HERC1: variants seen among roughly 807,000 people sequenced by gnomAD.
HERC1 encodes the protein HECT and RLD domain containing E3 ubiquitin protein ligase family member 1, also known as probable E3 ubiquitin-protein ligase HERC1.
HERC1 carries 160 observed loss-of-function variants against 554.3 expected under a neutral mutation model. That is an observed-to-expected ratio of 0.29 (90% CI 0.25 to 0.33). The LOEUF is 0.33. HERC1 is among the 10% of genes least tolerant of loss of function. The pLI is 1.00. For synonymous variants in HERC1, 2,175 were observed against 2,131.7 expected (o/e 1.02, Z -0.56); for missense variants, 4,919 against 5,918.5 (o/e 0.83, Z 5.54).
At chr15:63,652,383 T>A in intron 52 of HERC1, 31 bp downstream of exon 52, 3 of 1,574,950 alleles carry the variant, frequency 1.9e-6, no homozygotes, top group Non-Finnish European at 2.6e-6. Flanking sequence ...TCTCTTATTT[T>A]AAATGGTATA....
chr15:63,739,105 T>C (rs1390538861), intron 12 of HERC1, among the ~76,000 whole-genome samples: 1 of 151,704 alleles, frequency 6.6e-6, no homozygotes, highest in Admixed American at 6.6e-5. Flanking sequence ...CAATTTAGAA[T>C]ATCTTCATTA....
At chr15:63,654,053 G>C in intron 51 of HERC1, 66 bp downstream of exon 51, 1 of 1,286,886 alleles carries the variant, frequency 7.8e-7, no homozygotes, top group Non-Finnish European at 1.1e-6. Flanking sequence ...TGAGCTCCTT[G>C]AGAAGAGAAG....
Position 63,636,273 on chromosome 15 carries a change from G to GT in HERC1, c.12233-132dup, listed in dbSNP as rs377344540. The GT allele has an allele frequency of 0.22, 112,589 of 518,036 alleles. 1,322 individuals are homozygous for GT. Among genetic ancestry groups the GT allele is most frequent in the Non-Finnish European group, 0.24 (74,819 of 314,516 alleles). The allele number at this position is 518,036 out of a possible 1,614,324, so 32.1% of individuals were successfully genotyped here. On this transcript the variant is annotated intron_variant, in intron 64 of 77. Transcript: ENST00000443617. ...TATGAAAATAAGAATAATTTCATTA[G>GT]TTTTTTTTTTTTTTTTAGATGGAGT...
intron 54 of HERC1, among the ~76,000 whole-genome samples, chr15:63,648,500 T>A (rs566439563): frequency 6.6e-6 from 1 of 152,242 alleles, no homozygotes; most frequent in Non-Finnish European, 1.5e-5. Flanking sequence ...TAAGTCACCA[T>A]AGGTTCTTTC....
chr15:63,712,854 C>T lies in HERC1; in HGVS notation c.4505G>A (p.Ser1502Asn), dbSNP rs768355016. 4 of 1,613,476 alleles carry T rather than the reference C, an allele frequency of 2.5e-6. No homozygotes were observed. Among genetic ancestry groups the T allele is most frequent in the Admixed American group, 3.3e-5 (2 of 59,974 alleles). Reference sequence around the variant, plus strand: ...CGATTTGATCAGTCTATAATTTGGGCTTGTGTGGACTAGCCGGCTCTCTGC... The same window carrying T: ...CGATTTGATCAGTCTATAATTTGGGTTTGTGTGGACTAGCCGGCTCTCTGC... ...LTAESRLVHT[S>N]PNYRLIKSRS... Residue 1502 changes from serine to asparagine, a missense_variant, in exon 24 of 78, where the codon AGC (serine) becomes AAC (asparagine). By Grantham distance (46) the Ser-to-Asn change is conservative. This residue lies in a region of HERC1 where 1,121 missense variants were observed against 1,244.0 expected (regional missense o/e 0.90). Transcript: ENST00000443617.
At position 63,663,084 on chromosome 15, in the gene HERC1, A is replaced by G. The variant is rs1260282766; in HGVS notation, c.8801T>C (p.Leu2934Pro). 4 of 1,614,030 alleles carry G rather than the reference A, an allele frequency of 2.5e-6. No homozygotes were observed. Among genetic ancestry groups the G allele is most frequent in the Admixed American group, 1.7e-5 (1 of 60,026 alleles). ...FNLDEELEID[L>P]DDEAMEAMFG... ...CATAGCTTCCATCGCCTCATCATCA[A>G]GATCAATTTCCAATTCCTCATCTAA... The change falls in exon 44 of 78, where the codon CTT becomes CCT. Residue 2934 changes from leucine (L) to proline (P), a missense_variant. By Grantham distance (98) the Leu-to-Pro change is moderately conservative (BLOSUM62 -3). Around this residue, in one of 11 missense-constraint regions of HERC1, gnomAD observed 1,963 missense variants for 2,228.6 expected, o/e 0.88. Transcript: ENST00000443617.
chr15:63,792,289 C>A (rs2076676044), intron 1 of HERC1, among the ~76,000 whole-genome samples: 1 of 152,172 alleles, frequency 6.6e-6, no homozygotes, highest in African/African-American at 2.4e-5. Flanking sequence ...ATAAAATAAT[C>A]TCCGAAGTCC....
At chr15:63,702,828 G>A (rs919423727) in intron 25 of HERC1, among the ~76,000 whole-genome samples, 10 of 152,232 alleles carry the variant, frequency 6.6e-5, no homozygotes, top group Admixed American at 1.3e-4. Flanking sequence ...TTAGCTGGCC[G>A]GGCATGGTGG....
chr15:63,762,632 T>A (rs939793090), intron 3 of HERC1, among the ~76,000 whole-genome samples: 2 of 152,094 alleles, frequency 1.3e-5, no homozygotes, highest in Non-Finnish European at 2.9e-5. Flanking sequence ...GCCCATGATA[T>A]TTTTTAAATG....
At chr15:63,773,651 C>A (rs1567111630) in intron 2 of HERC1, among the ~76,000 whole-genome samples, 1 of 151,480 alleles carries the variant, frequency 6.6e-6, no homozygotes, top group Non-Finnish European at 1.5e-5. Flanking sequence ...TCAAGCAATT[C>A]TCCTGCCTCA....
Position 63,727,619 on chromosome 15 carries a change from T to C in HERC1, c.3346+28A>G. 2 of 1,547,450 alleles carry C rather than the reference T, an allele frequency of 1.3e-6. No individual in the cohort carries two copies. The highest frequency in any genetic ancestry group is 1.8e-6 in the Non-Finnish European group (2 of 1,133,762). Reference sequence around the variant, plus strand: ...GAGGAACAACTTTTCTCAAAGGCATTATTTGCTCTTTTATTGTCTTTACTT... The same window carrying C: ...GAGGAACAACTTTTCTCAAAGGCATCATTTGCTCTTTTATTGTCTTTACTT... On this transcript the variant is annotated intron_variant, in intron 17 of 77. Transcript: ENST00000443617. This position sits in a 1 kb window ranked among gnomAD's most constrained non-coding sequence, Gnocchi z 4.3.
chr15:63,725,421 G>A lies in HERC1; in HGVS notation c.3439C>T (p.Leu1147Phe), dbSNP rs373605815. The change falls in exon 18 of 78, where the codon CTC (leucine) becomes TTC (phenylalanine). Residue 1147 changes from leucine to phenylalanine, a missense_variant. Physicochemically the swap from Leu to Phe is conservative, Grantham distance 22. Coordinates refer to ENST00000443617, the MANE Select transcript of HERC1 (RefSeq NM_003922.4). ...CCACCAAGACACCGCCCAATAAGGAGAGCAATTGTTCTTTCTAGATCCACA... is the reference window on the plus strand; with the variant it reads ...CCACCAAGACACCGCCCAATAAGGAAAGCAATTGTTCTTTCTAGATCCACA... ...WLVDLERTIA[L>F]LIGRCLGGML... The A allele has an allele frequency of 5.6e-6, 9 of 1,613,800 alleles. No individual in the cohort carries two copies. Among genetic ancestry groups the A allele is most frequent in the Non-Finnish European group, 6.8e-6 (8 of 1,179,874 alleles).
Position 63,694,667 on chromosome 15 carries a change from T to A in HERC1, c.5242+107A>T. On this transcript the variant is annotated intron_variant, in intron 28 of 77. Transcript: ENST00000443617. This position sits in a 1 kb window ranked among gnomAD's most constrained non-coding sequence, Gnocchi z 4.3. ...CACTAAATTATTTATTCTTTACCTA[T>A]AAGTTTATCTACTAATGTTAAACAC... 1 of 1,485,172 alleles carries A rather than the reference T, an allele frequency of 6.7e-7. No individual in the cohort carries two copies. Among genetic ancestry groups the A allele is most frequent in the Non-Finnish European group, 9.4e-7 (1 of 1,067,074 alleles). 92.0% of individuals were successfully genotyped at this position (1,485,172 alleles called of 1,614,324 possible).
At chr15:63,707,495 A>G (rs1265400494) in intron 24 of HERC1, among the ~76,000 whole-genome samples, 1 of 152,214 alleles carries the variant, frequency 6.6e-6, no homozygotes, top group East Asian at 1.9e-4. Flanking sequence ...ACAACTGCCT[A>G]CTTGGCCTAT....
At chr15:63,829,537 ATATGTATGTGTG>A (rs1303056883) in intron 1 of HERC1, among the ~76,000 whole-genome samples, 2 of 72,738 alleles carry the variant, frequency 2.7e-5, no homozygotes, top group African/African-American at 9.6e-5. Flanking sequence ...GTGTGCACAT[ATATGTATGTGTG>A]TGTGTGTGTG....
intron 1 of HERC1, among the ~76,000 whole-genome samples, chr15:63,778,874 TATG>T (rs1319754644): frequency 7.9e-5 from 12 of 151,494 alleles, no homozygotes; most frequent in Non-Finnish European, 1.3e-4. Context: ...AACTGAAACA[TATG>T]ATGATATGAA....
At chr15:63,649,366 C>G (rs775999938) in intron 54 of HERC1, among the ~76,000 whole-genome samples, 28 of 151,094 alleles carry the variant, frequency 1.9e-4, no homozygotes, top group Middle Eastern at 6.9e-3. Context: ...CAAAACAAAA[C>G]AAAACACACA....
chr15:63,767,527 T>C (rs1182307598), intron 2 of HERC1, among the ~76,000 whole-genome samples: 6 of 151,962 alleles, frequency 3.9e-5, no homozygotes, highest in Admixed American at 6.5e-5. Context: ...TGAAACCCCA[T>C]CTCTACTAAA....
chr15:63,732,986 G>T lies in HERC1; in HGVS notation c.2806C>A (p.Pro936Thr), dbSNP rs777105416. 8 of 1,613,812 alleles carry T rather than the reference G, an allele frequency of 5.0e-6. No individual in the cohort carries two copies. Among genetic ancestry groups the T allele is most frequent in the African/African-American group, 1.3e-5 (1 of 74,898 alleles). Residue 936 changes from proline to threonine, a missense_variant, in exon 14 of 78, where the codon CCA becomes ACA. Pro to Thr is a conservative substitution (Grantham distance 38). Transcript: ENST00000443617. ...DQPYGTQSCH[P>T]DTHLAEILMK... ...AAAATTTCAGCCAGGTGGGTATCTG[G>T]ATGGCAGCTCTGAGTGCCGTAAGGT...
Sources: gnomAD v4.1 joint callset for allele counts (sites outside exome capture counted in the v4.1 genomes callset) on GRCh38, gnomAD v4.1.1 for gene constraint, gnomAD v4.1.1 regional missense constraint, Gnocchi (gnomAD v3.1) non-coding constraint, MANE v1.5 for transcripts, NCBI Gene and HGNC (gene_info 2026-07-23, HGNC 2026-07-21) for gene names.